The following MRO variants were observed in gnomAD, a reference collection of about 807,000 sequenced individuals.
MRO encodes the protein maestro, also known as protein maestro.
In MRO, 28 loss-of-function variants were observed where a neutral mutation model predicts 31.0. The observed-to-expected ratio is 0.90, with a 90% CI of 0.67 to 1.24. The LOEUF is 1.24. MRO is among the 50% of genes most tolerant of loss of function. The pLI, the probability that MRO is intolerant of heterozygous loss-of-function variation, is 0.00. For synonymous variants in MRO, 108 were observed against 108.4 expected (o/e 1.00, Z 0.02); for missense variants, 332 against 289.2 (o/e 1.15, Z -1.07).
chr18:50,813,342 TTC>T (rs767070326), intron 2 of MRO, among the ~76,000 whole-genome samples: 2 of 152,248 alleles, frequency 1.3e-5, no homozygotes, highest in Non-Finnish European at 2.9e-5. Context: ...TAGCAAGAGT[TTC>T]TCTTTCCATC....
chr18:50,801,303 A>G, intron 6 of MRO, 46 bp downstream of exon 6: 1 of 1,497,406 alleles, frequency 6.7e-7, no homozygotes, highest in East Asian at 2.3e-5. Flanking sequence ...CCCTTTATGA[A>G]TAGCATGGAG....
In MRO at chr18:50,819,922, G is replaced by T. The variant is rs776186792; in HGVS notation, c.-152C>A. The T allele has an allele frequency of 5.8e-6, 9 of 1,551,624 alleles. No individual in the cohort carries two copies. In the South Asian group the frequency reaches 1.1e-4, roughly 18 times the overall value. ...CTTTGCTTCCCCACGCCATGCTGAG[G>T]TGTTTTTCCTTCTCCTTGCTGTGAT... On this transcript the variant is annotated 5_prime_UTR_variant, in exon 1 of 8. Transcript: ENST00000398439.
intron 5 of MRO, among the ~76,000 whole-genome samples, chr18:50,803,307 G>A (rs1363164663): frequency 2.0e-5 from 3 of 152,060 alleles, no homozygotes; most frequent in Admixed American, 2.0e-4. Flanking sequence ...CCCGGTCAGA[G>A]ACCAGCCTGG....
chr18:50,805,378 CT>C, intron 4 of MRO, 42 bp from the exon 5 acceptor site: 1 of 1,576,844 alleles, frequency 6.3e-7, no homozygotes, highest in Non-Finnish European at 8.7e-7. Flanking sequence ...ACAGGAACTG[CT>C]CCCCATAGGT....
At position 50,798,271 on chromosome 18, in the gene MRO, GTAAT is replaced by G. The variant is rs548662090; in HGVS notation, c.*1062_*1065del. 2.5e-3 allele frequency: 375 copies of G among 152,216 alleles called. No individual in the cohort carries two copies. The highest frequency in any genetic ancestry group is 8.8e-3 in the African/African-American group (364 of 41,542). 9.4% of individuals were successfully genotyped at this position (152,216 alleles called of 1,614,324 possible). A position where few individuals can be genotyped will look rare whatever the true frequency, so the allele number is the denominator to read the frequency against. On this transcript the variant is annotated 3_prime_UTR_variant, in exon 8 of 8. Coordinates refer to ENST00000398439, the MANE Select transcript of MRO (RefSeq NM_031939.6). ...AATAATTGACATTAATAGCCAAAAA[GTAAT>G]TAATAAAAACACTCAGCTCACATAA...
intron 3 of MRO, among the ~76,000 whole-genome samples, chr18:50,808,457 C>CT (rs56936277): frequency 0.25 from 35,034 of 142,556 alleles, 4,616 homozygotes; most frequent in Non-Finnish European, 0.31. Context: ...TTTATCTTAT[C>CT]TTTTTTTTTT....
intron 4 of MRO, among the ~76,000 whole-genome samples, 191 bp downstream of exon 4, chr18:50,806,513 C>A (rs879205697): frequency 6.6e-6 from 1 of 152,154 alleles, no homozygotes; most frequent in Admixed American, 6.5e-5. Context: ...CTGAGCTGCA[C>A]CTGGACTCCT....
intron 3 of MRO, among the ~76,000 whole-genome samples, chr18:50,807,332 A>G (rs1026101533): frequency 6.6e-6 from 1 of 152,070 alleles, no homozygotes; most frequent in Admixed American, 6.6e-5. Flanking sequence ...GTCTCCTCCC[A>G]TTGCCTCTTG....
In MRO at chr18:50,806,738, T is replaced by C. The variant is rs748326055; in HGVS notation, c.212A>G (p.Asn71Ser). ...GGCTTCATAGGCCATGGTTCCCAAGTTTCTCATTGCCATGTGACGCTTTTT... is the reference window on the plus strand; with the variant it reads ...GGCTTCATAGGCCATGGTTCCCAAGCTTCTCATTGCCATGTGACGCTTTTT... ...SAKKRHMAMR[N>S]LGTMAYEAPD... The change falls in exon 4 of 8, where the codon AAC (asparagine) becomes AGC (serine). Residue 71 changes from asparagine to serine, a missense_variant. Physicochemically the swap from Asn to Ser is conservative, Grantham distance 46. Transcript: ENST00000398439. 1 of 1,614,174 alleles carries C rather than the reference T, an allele frequency of 6.2e-7. No individual in the cohort carries two copies. The highest frequency in any genetic ancestry group is 1.1e-5 in the South Asian group (1 of 91,080).
chr18:50,801,187 T>C (rs1913276225), intron 6 of MRO, among the ~76,000 whole-genome samples, 162 bp downstream of exon 6: 1 of 152,052 alleles, frequency 6.6e-6, no homozygotes, highest in South Asian at 2.1e-4. Context: ...CAAAGAGAGA[T>C]TACACACCAA....
At chr18:50,823,328 C>G (rs193204314), upstream of MRO, among the ~76,000 whole-genome samples, 33 of 152,314 alleles carry the variant, frequency 2.2e-4, no homozygotes, top group African/African-American at 7.2e-4. Context: ...ATAGATGCTG[C>G]AGGAAGAAGC....
Position 50,805,305 on chromosome 18 carries a change from A to T in MRO, c.278T>A (p.Leu93Gln). 1 of 1,613,958 alleles carries T rather than the reference A, an allele frequency of 6.2e-7. No individual in the cohort carries two copies. Among genetic ancestry groups the T allele is most frequent in the South Asian group, 1.1e-5 (1 of 90,986 alleles). ...VRKYKKIVLD[L>Q]LVYGLYDPVN... ...AGGGTCATACAGTCCATACACCAGC[A>T]GGTCGAGGACAATTTTCTTATACTT... Residue 93 changes from leucine to glutamine, a missense_variant, in exon 5 of 8, where the codon CTG becomes CAG. Coordinates refer to ENST00000398439, the MANE Select transcript of MRO (RefSeq NM_031939.6).
At chr18:50,815,302 CT>C in intron 2 of MRO, 1 of 270,742 alleles carries the variant, frequency 3.7e-6, no homozygotes, top group South Asian at 4.9e-5. Flanking sequence ...ATGGAGGAAA[CT>C]TTGGAGGTGG....
Position 50,820,011 on chromosome 18 carries a change from A to T in MRO, c.-241T>A. On this transcript the variant is annotated 5_prime_UTR_variant, in exon 1 of 8. Transcript: ENST00000398439. Reference sequence around the variant, plus strand: ...TTTCTGCAGAAATTCTGCAGATGGCAATTCTGGGGACCTTTCCTCTGCACC... The same window carrying T: ...TTTCTGCAGAAATTCTGCAGATGGCTATTCTGGGGACCTTTCCTCTGCACC... The T allele has an allele frequency of 1.3e-6, 2 of 1,492,498 alleles. No individual in the cohort carries two copies. The highest frequency in any genetic ancestry group is 1.8e-6 in the Non-Finnish European group (2 of 1,094,286). The allele number at this position is 1,492,498 out of a possible 1,614,324, so 92.5% of individuals were successfully genotyped here. A position where few individuals can be genotyped will look rare whatever the true frequency, so the allele number is the denominator to read the frequency against.
chr18:50,819,495 G>A, intron 2 of MRO, 86 bp downstream of exon 2: 1 of 1,517,038 alleles, frequency 6.6e-7, no homozygotes, highest in Non-Finnish European at 8.8e-7. Flanking sequence ...TGACCAGAGT[G>A]ACATTCCAGA....
In MRO at chr18:50,805,343, C is replaced by T. The variant is rs1913823284; in HGVS notation, c.247-7G>A. ...TTTTCTTATACTTTCTCACCTGTCA[C>T]CAAGGTTTGAAAAGCAGTAATAGCA... On this transcript the variant is annotated splice_region_variant and splice_polypyrimidine_tract_variant and intron_variant, in intron 4 of 7. Transcript: ENST00000398439. 1.9e-6 allele frequency: 3 copies of T among 1,612,600 alleles called. No homozygotes were observed. Among genetic ancestry groups the T allele is most frequent in the African/African-American group, 1.3e-5 (1 of 75,000 alleles).
chr18:50,803,091 A>C (rs941943453), intron 5 of MRO, among the ~76,000 whole-genome samples: 3 of 152,208 alleles, frequency 2.0e-5, no homozygotes, highest in Non-Finnish European at 4.4e-5. Context: ...TCATGGCCTC[A>C]GATAGTGAAG....
At chr18:50,815,709 G>A in intron 2 of MRO, 1 of 450,918 alleles carries the variant, frequency 2.2e-6, no homozygotes, top group Non-Finnish European at 4.4e-6. Flanking sequence ...TAGTGGAAAT[G>A]GTGGATATGG....
chr18:50,803,636 C>T (rs1261354768), intron 5 of MRO, among the ~76,000 whole-genome samples: 2 of 152,206 alleles, frequency 1.3e-5, no homozygotes, highest in African/African-American at 2.4e-5. Flanking sequence ...GGACCTTCGC[C>T]CGCTCCCTCC....
Sources: gnomAD v4.1 joint callset for allele counts (sites outside exome capture counted in the v4.1 genomes callset) on GRCh38, gnomAD v4.1.1 for gene constraint, MANE v1.5 for transcripts, NCBI Gene and HGNC (gene_info 2026-07-23, HGNC 2026-07-21) for gene names.